Variants in POU6F2 observed in about 807,000 individuals in gnomAD.
The protein encoded by POU6F2 is POU domain, class 6, transcription factor 2.
A neutral mutation model predicts 71.3 loss-of-function variants in POU6F2; 31 were observed. The ratio of observed to expected loss-of-function variants is 0.43; its 90% CI spans 0.33 to 0.59. The LOEUF is 0.59. Ranked by LOEUF, POU6F2 falls within the 20% of genes least tolerant of loss-of-function variation. POU6F2 has a pLI of 0.04. For synonymous variants in POU6F2, 347 were observed against 355.7 expected, an observed-to-expected ratio of 0.98 and a Z score of 0.27; for missense variants, 783 against 856.8, an observed-to-expected ratio of 0.91 and a Z score of 1.07.
At chr7:39,138,466 G>A (rs979630572) in intron 2 of POU6F2, among the ~76,000 whole-genome samples, 21 of 152,092 alleles carry the variant, frequency 1.4e-4, no homozygotes, top group Non-Finnish European at 2.8e-4. Context: ...CCTGAGCTCC[G>A]CCTCCTGTCA....
At chr7:39,261,779 G>C (rs1465340978) in intron 4 of POU6F2, among the ~76,000 whole-genome samples, 1 of 152,208 alleles carries the variant, frequency 6.6e-6, no homozygotes, top group African/African-American at 2.4e-5. Flanking sequence ...TGTTGTTCAG[G>C]TAAATGAGTT....
At position 39,170,752 on chromosome 7, in the gene POU6F2, G is replaced by A. The variant is rs140494673; in HGVS notation, c.278-33483G>A. On this transcript the variant is annotated intron_variant, in intron 2 of 9. Transcript: ENST00000518318. Reference sequence around the variant, plus strand: ...GGAGAAGAATTGTAGTGTTCCCAACGCAAAGAAAAGATAAATGTTTGAGGC... The same window carrying A: ...GGAGAAGAATTGTAGTGTTCCCAACACAAAGAAAAGATAAATGTTTGAGGC... Among the ~76,000 whole-genome samples the A allele has an allele frequency of 7.2e-3, 1,100 of 151,870 alleles. 14 individuals are homozygous for A. Among genetic ancestry groups the A allele is most frequent in the African/African-American group, 0.025 (1,055 of 41,466 alleles).
intron 1 of POU6F2, among the ~76,000 whole-genome samples, chr7:39,055,916 A>G (rs1397923079): frequency 6.6e-6 from 1 of 152,006 alleles, no homozygotes; most frequent in Non-Finnish European, 1.5e-5. Flanking sequence ...ATGTTATTAA[A>G]GCATACTTTA....
At chr7:39,152,094 G>T (rs1463138218) in intron 2 of POU6F2, among the ~76,000 whole-genome samples, 3 of 152,144 alleles carry the variant, frequency 2.0e-5, no homozygotes, top group Non-Finnish European at 2.9e-5. Flanking sequence ...GGAAAATGCA[G>T]TGAACCGTGA....
intron 5 of POU6F2, among the ~76,000 whole-genome samples, chr7:39,395,356 G>A (rs1787153671): frequency 6.6e-6 from 1 of 152,032 alleles, no homozygotes; most frequent in Non-Finnish European, 1.5e-5. Context: ...TATTCCCAGT[G>A]GGTGAGAAGC....
At chr7:39,447,283 A>T (rs1285126475) in intron 7 of POU6F2, among the ~76,000 whole-genome samples, 1 of 152,222 alleles carries the variant, frequency 6.6e-6, no homozygotes, top group Admixed American at 6.5e-5. Context: ...TGGCTGATCA[A>T]CTTGAAAGTG....
Position 39,243,929 on chromosome 7 carries a change from G to C in POU6F2, c.598+36309G>C, listed in dbSNP as rs114159722. 4.1e-3 allele frequency among the ~76,000 whole-genome samples: 630 copies of C among 152,190 alleles called. 5 individuals carry two copies. Among genetic ancestry groups the C allele is most frequent in the African/African-American group, 0.015 (611 of 41,528 alleles). The stretch of plus-strand genomic sequence containing the variant: ...GGTCATTGACAGTTCCAGACCTACA[G>C]TGTTGTCTTCAAGTTCTTAAAGCTT... On this transcript the variant is annotated intron_variant, in intron 4 of 9. Coordinates refer to ENST00000518318, the MANE Select transcript of POU6F2 (RefSeq NM_001370959.1).
At chr7:39,079,599 C>T (rs1791073793) in intron 1 of POU6F2, among the ~76,000 whole-genome samples, 1 of 152,100 alleles carries the variant, frequency 6.6e-6, no homozygotes, top group East Asian at 1.9e-4. Context: ...TCCATGGGGT[C>T]CCCTCTTTAG....
At chr7:39,342,902 A>T (rs1785949015) in intron 5 of POU6F2, among the ~76,000 whole-genome samples, 1 of 152,242 alleles carries the variant, frequency 6.6e-6, no homozygotes, top group Admixed American at 6.5e-5. Flanking sequence ...ATAGGAGTCT[A>T]AAGTATTATC....
At chr7:39,290,229 T>A (rs1784725968) in intron 4 of POU6F2, among the ~76,000 whole-genome samples, 5 of 152,208 alleles carry the variant, frequency 3.3e-5, no homozygotes, top group Admixed American at 3.3e-4. Context: ...TCACAACTCC[T>A]TCCCCAGGGC....
At chr7:39,143,416 G>A (rs1792548082) in intron 2 of POU6F2, among the ~76,000 whole-genome samples, 1 of 152,218 alleles carries the variant, frequency 6.6e-6, no homozygotes, top group African/African-American at 2.4e-5. Flanking sequence ...CAGAAGAGTT[G>A]AAGCCAGGTC....
chr7:39,145,414 A>C (rs533374895), intron 2 of POU6F2, among the ~76,000 whole-genome samples: 3 of 152,360 alleles, frequency 2.0e-5, no homozygotes, highest in Admixed American at 6.5e-5. Context: ...ATAAGTAATC[A>C]AATAAAACCT....
At chr7:39,303,491 T>A (rs6951074) in intron 4 of POU6F2, among the ~76,000 whole-genome samples, 34,143 of 152,046 alleles carry the variant, frequency 0.22, 4,379 homozygotes, top group African/African-American at 0.37. Flanking sequence ...TTAATATGGA[T>A]GTGTAGAAAC....
At chr7:38,987,903 T>C (rs1459945215) in intron 1 of POU6F2, among the ~76,000 whole-genome samples, 1 of 152,094 alleles carries the variant, frequency 6.6e-6, no homozygotes, top group Non-Finnish European at 1.5e-5. Flanking sequence ...GAACTGTCCA[T>C]TGGGTAGGTG....
In POU6F2 at chr7:39,252,903, C is replaced by T. The variant is rs546069809; in HGVS notation, c.598+45283C>T. On this transcript the variant is annotated intron_variant, in intron 4 of 9. Coordinates refer to ENST00000518318, the MANE Select transcript of POU6F2 (RefSeq NM_001370959.1). Reference sequence around the variant, plus strand: ...TTTAGCTATAGCTCTTAACACTATGCGATAGACCATGTATTTCCCTGAGTA... The same window carrying T: ...TTTAGCTATAGCTCTTAACACTATGTGATAGACCATGTATTTCCCTGAGTA... 2.0e-5 allele frequency among the ~76,000 whole-genome samples: 3 copies of T among 152,266 alleles called. No individual in the cohort carries two copies. The South Asian group carries it at 6.2e-4, about 32-fold the overall frequency.
intron 5 of POU6F2, among the ~76,000 whole-genome samples, chr7:39,391,208 T>TG (rs531139147): frequency 3.3e-4 from 50 of 152,196 alleles, no homozygotes; most frequent in Non-Finnish European, 6.6e-4. Context: ...ATGACTATCT[T>TG]GGTCAATTTG....
intron 4 of POU6F2, among the ~76,000 whole-genome samples, chr7:39,247,645 G>A (rs1403651347): frequency 6.6e-6 from 1 of 152,164 alleles, no homozygotes; most frequent in African/African-American, 2.4e-5. Flanking sequence ...CGTAGTCACT[G>A]AAGTATCAGC....
At position 38,999,523 on chromosome 7, in the gene POU6F2, T is replaced by C. The variant is rs80154554; in HGVS notation, c.105+21465T>C. Among the ~76,000 whole-genome samples the C allele has an allele frequency of 7.2e-3, 1,091 of 152,272 alleles. 12 individuals are homozygous for C. Among genetic ancestry groups the C allele is most frequent in the African/African-American group, 0.025 (1,052 of 41,536 alleles). On this transcript the variant is annotated intron_variant, in intron 1 of 9. Transcript: ENST00000518318. ...TCAACTTTCATGTCATAATATACTA[T>C]ATGTGTAACTGGTTAAGTTACTGTT...
At chr7:39,210,975 G>A (rs556113914) in intron 4 of POU6F2, among the ~76,000 whole-genome samples, 1 of 152,310 alleles carries the variant, frequency 6.6e-6, no homozygotes, top group Non-Finnish European at 1.5e-5. Flanking sequence ...CAGGATCAAG[G>A]CACAGGCAGA....
Sources: gnomAD v4.1 joint callset for allele counts (sites outside exome capture counted in the v4.1 genomes callset) on GRCh38, gnomAD v4.1.1 for gene constraint, MANE v1.5 for transcripts, NCBI Gene and HGNC (gene_info 2026-07-23, HGNC 2026-07-21) for gene names.